The following ECT2L variants were observed in gnomAD, a reference collection of about 807,000 sequenced individuals.
ECT2L encodes epithelial cell transforming 2 like, also known as epithelial cell-transforming sequence 2 oncogene-like.
Under a neutral mutation model 122.8 loss-of-function variants are expected in ECT2L, and 126 were observed. The ratio of observed to expected loss-of-function variants is 1.03; its 90% CI spans 0.89 to 1.19. The LOEUF (loss-of-function observed/expected upper bound fraction) is 1.19, where lower values mean the gene tolerates loss of function less well. Ranked by LOEUF, ECT2L falls within the 50% of genes most tolerant of loss-of-function variation. The pLI, the probability that ECT2L is intolerant of heterozygous loss-of-function variation, is 0.00. For missense variants in ECT2L, 1,012 were observed against 1,064.1 expected, an observed-to-expected ratio of 0.95 and a Z score of 0.68; for synonymous variants, 385 against 381.8, an observed-to-expected ratio of 1.01 and a Z score of -0.10.
At chr6:138,802,843 G>A (rs755593745) in intron 1 of ECT2L, among the ~76,000 whole-genome samples, 112 of 152,236 alleles carry the variant, frequency 7.4e-4, no homozygotes, top group African/African-American at 2.6e-3. Context: ...TTGGGAGGCC[G>A]AGGTGGGTGG....
intron 10 of ECT2L, among the ~76,000 whole-genome samples, chr6:138,861,761 T>C (rs1008623320): frequency 6.6e-6 from 1 of 152,246 alleles, no homozygotes; most frequent in Non-Finnish European, 1.5e-5. Flanking sequence ...CTGGCTTTTG[T>C]TGCAATTGCT....
In ECT2L at chr6:138,882,726, A is replaced by G. The variant is rs774575980; in HGVS notation, c.1883A>G (p.Gln628Arg). 3 of 1,613,752 alleles carry G rather than the reference A, an allele frequency of 1.9e-6. No individual in the cohort carries two copies. The highest frequency in any genetic ancestry group is 1.7e-6 in the Non-Finnish European group (2 of 1,179,902). The stretch of plus-strand genomic sequence containing the variant: ...CTTATGCTCTTCTCATACCACAGGC[A>G]GTTTCTAGATAACCTGAGAGACAGA... Reference protein sequence around the residue: ...DILQILSLNRQFLDNLRDRLQ... With the variant: ...DILQILSLNRRFLDNLRDRLQ... Residue 628 changes from glutamine to arginine, a missense_variant and splice_region_variant, in exon 16 of 22, where the codon CAG (glutamine) becomes CGG (arginine). Coordinates refer to ENST00000541398, the MANE Select transcript of ECT2L (RefSeq NM_001077706.3).
intron 1 of ECT2L, among the ~76,000 whole-genome samples, chr6:138,800,505 A>T (rs1260841638): frequency 6.6e-6 from 1 of 152,234 alleles, no homozygotes; most frequent in Non-Finnish European, 1.5e-5. Context: ...TCTCAAATGA[A>T]TCCCTTAAAA....
intron 15 of ECT2L, among the ~76,000 whole-genome samples, 170 bp from the exon 16 acceptor site, chr6:138,882,554 G>A (rs1562490578): frequency 6.6e-6 from 1 of 152,156 alleles, no homozygotes; most frequent in Admixed American, 6.5e-5. Context: ...TCACGTCCCA[G>A]TTCCCTTTCC....
chr6:138,806,601 C>T (rs753170625), intron 1 of ECT2L, among the ~76,000 whole-genome samples: 2 of 150,100 alleles, frequency 1.3e-5, no homozygotes, highest in Admixed American at 6.7e-5. Context: ...CCACCTCCAC[C>T]TCCCAGGTTC....
chr6:138,869,808 G>A (rs1258297587), intron 13 of ECT2L, among the ~76,000 whole-genome samples: 1 of 152,130 alleles, frequency 6.6e-6, no homozygotes, highest in Admixed American at 6.6e-5. Flanking sequence ...TCTCTCCCAG[G>A]CCTTCTTCCT....
At chr6:138,865,282 A>C in intron 12 of ECT2L, 104 bp downstream of exon 12, 1 of 1,132,236 alleles carries the variant, frequency 8.8e-7, no homozygotes, top group Non-Finnish European at 1.2e-6. Context: ...TTACTCTTGA[A>C]CATCTCCAGT....
intron 1 of ECT2L, among the ~76,000 whole-genome samples, chr6:138,799,759 C>T (rs1775477584): frequency 6.6e-6 from 1 of 152,164 alleles, no homozygotes; most frequent in Non-Finnish European, 1.5e-5. Flanking sequence ...CCATATTGGC[C>T]AGGCTGATCT....
intron 19 of ECT2L, among the ~76,000 whole-genome samples, chr6:138,887,229 A>T (rs200705015): frequency 4.2e-5 from 4 of 94,196 alleles, no homozygotes; most frequent in African/African-American, 9.3e-5. Flanking sequence ...CTTTTCTTTA[A>T]TTTTTTTTTT....
chr6:138,835,274 C>T (rs1350633026), intron 4 of ECT2L, among the ~76,000 whole-genome samples: 5 of 152,102 alleles, frequency 3.3e-5, no homozygotes, highest in Admixed American at 1.3e-4. Flanking sequence ...TATGGCCAGG[C>T]GCAGTGGCTC....
intron 13 of ECT2L, among the ~76,000 whole-genome samples, chr6:138,875,042 G>A (rs906592436): frequency 2.0e-5 from 3 of 152,158 alleles, no homozygotes; most frequent in Non-Finnish European, 4.4e-5. Context: ...AGCAAATATT[G>A]CACCACTGCA....
rs147410610 is a variant in ECT2L at position 138,863,004 on chromosome 6, A to C, written c.1291+285A>C. 3.6e-3 allele frequency among the ~76,000 whole-genome samples: 556 copies of C among 152,344 alleles called. 4 individuals are homozygous for C. Among genetic ancestry groups the C allele is most frequent in the African/African-American group, 0.011 (440 of 41,586 alleles). On this transcript the variant is annotated intron_variant, in intron 11 of 21. Transcript: ENST00000541398. ...ATTAAGCAAAGTTGCTGATCTAGAA[A>C]AGTAAGAAGTACAAAGAAAAACTTT...
At chr6:138,806,649 A>G (rs1775721899) in intron 1 of ECT2L, among the ~76,000 whole-genome samples, 1 of 150,860 alleles carries the variant, frequency 6.6e-6, no homozygotes, top group South Asian at 2.1e-4. Flanking sequence ...AGTAGCTAGG[A>G]TTACAGGTGC....
intron 1 of ECT2L, among the ~76,000 whole-genome samples, chr6:138,812,357 A>C (rs1775929715): frequency 1.3e-5 from 2 of 152,228 alleles, no homozygotes; most frequent in African/African-American, 4.8e-5. Context: ...GAAGCTTTGA[A>C]ATAAGTGTTT....
chr6:138,838,019 G>C (rs917306821), intron 4 of ECT2L, among the ~76,000 whole-genome samples: 2 of 151,828 alleles, frequency 1.3e-5, no homozygotes, highest in East Asian at 3.9e-4. Flanking sequence ...TCCTGCCTTG[G>C]CCTTCCAAGT....
intron 4 of ECT2L, among the ~76,000 whole-genome samples, chr6:138,825,106 G>C (rs985674821): frequency 6.6e-6 from 1 of 152,266 alleles, no homozygotes; most frequent in African/African-American, 2.4e-5. Context: ...TAGGCCAGAC[G>C]GTCAGGGAAA....
intron 4 of ECT2L, among the ~76,000 whole-genome samples, chr6:138,833,023 C>CGA (rs140174776): frequency 1.3e-5 from 2 of 150,540 alleles, no homozygotes; most frequent in African/African-American, 2.4e-5. Context: ...TGGCGGCAGG[C>CGA]GAGAGAGAGA....
intron 14 of ECT2L, chr6:138,878,974 G>A (rs1468920907): frequency 6.4e-6 from 1 of 156,680 alleles, no homozygotes; most frequent in Non-Finnish European, 1.4e-5. Flanking sequence ...CCAGATTGCA[G>A]TTTTTTAGTT....
intron 6 of ECT2L, among the ~76,000 whole-genome samples, 190 bp downstream of exon 6, chr6:138,843,421 GA>G (rs1250218577): frequency 6.6e-6 from 1 of 152,104 alleles, no homozygotes; most frequent in Non-Finnish European, 1.5e-5. Context: ...AAAGATTTCA[GA>G]CAAAATACAT....
Sources: allele counts gnomAD v4.1 joint callset (sites outside exome capture counted in the v4.1 genomes callset), GRCh38; gene constraint gnomAD v4.1.1; transcripts MANE v1.5; gene names NCBI Gene and HGNC (gene_info 2026-07-23, HGNC 2026-07-21).